The following PALLD variants were observed in gnomAD, a reference collection of about 807,000 sequenced individuals.
PALLD encodes palladin.
Under a neutral mutation model 123.5 loss-of-function variants are expected in PALLD, and 61 were observed. That is an observed-to-expected ratio of 0.49 (90% CI 0.40 to 0.61). The LOEUF (loss-of-function observed/expected upper bound fraction) is 0.61. Ranked by LOEUF, PALLD falls within the 20% of genes least tolerant of loss-of-function variation. The pLI is 0.00. For synonymous variants in PALLD, 465 were observed against 496.4 expected (o/e 0.94, Z 0.84); for missense variants, 1,273 against 1,377.0 (o/e 0.92, Z 1.20).
intron 2 of PALLD, among the ~76,000 whole-genome samples, chr4:168,649,296 C>T (rs1204118670): frequency 6.6e-6 from 1 of 152,100 alleles, no homozygotes; most frequent in Admixed American, 6.6e-5. Flanking sequence ...AGACTATATA[C>T]TTAAGTTTAT....
intron 10 of PALLD, among the ~76,000 whole-genome samples, chr4:168,841,213 G>A (rs144773384): frequency 2.0e-4 from 30 of 152,270 alleles, no homozygotes; most frequent in African/African-American, 6.7e-4. Flanking sequence ...TGAGCTGTTG[G>A]ACCTGGATCT....
intron 16 of PALLD, among the ~76,000 whole-genome samples, chr4:168,915,684 C>A (rs1435594471): frequency 6.6e-6 from 1 of 152,040 alleles, no homozygotes; most frequent in Non-Finnish European, 1.5e-5. Flanking sequence ...TTTATAGTAG[C>A]CTGCAATTGG....
chr4:168,810,769 C>T (rs1297378308), intron 10 of PALLD, among the ~76,000 whole-genome samples: 2 of 149,968 alleles, frequency 1.3e-5, no homozygotes, highest in Non-Finnish European at 3.0e-5. Context: ...GATTGCGCCA[C>T]TGCAGTCCGC....
chr4:168,499,272 AT>A (rs1561174673), intron 1 of PALLD, among the ~76,000 whole-genome samples: 5 of 48,960 alleles, frequency 1.0e-4, no homozygotes, highest in Admixed American at 2.2e-4. Context: ...GGGAGGGAGG[AT>A]GGGAGGGAGG....
At chr4:168,679,375 GGTGT>G (rs142511113) in intron 3 of PALLD, among the ~76,000 whole-genome samples, 4 of 118,414 alleles carry the variant, frequency 3.4e-5, no homozygotes, top group South Asian at 2.8e-4. Context: ...GATGTGTGTG[GGTGT>G]GTGTGTGTGT....
In PALLD at chr4:168,926,528, C is replaced by T. The variant is rs984801380; in HGVS notation, c.*348C>T. The T allele has an allele frequency of 3.6e-5, 22 of 608,818 alleles. No homozygotes were observed. The highest frequency in any genetic ancestry group is 5.6e-5 in the Non-Finnish European group (20 of 360,320). 37.7% of individuals were successfully genotyped at this position (608,818 alleles called of 1,614,324 possible). On this transcript the variant is annotated 3_prime_UTR_variant, in exon 22 of 22. Coordinates refer to ENST00000505667, the MANE Select transcript of PALLD (RefSeq NM_001166108.2). ...AAACACCAAAATAATATTTTTCTTACTTGATATACCAAACTTAGTTTAAGT... is the reference window on the plus strand; with the variant it reads ...AAACACCAAAATAATATTTTTCTTATTTGATATACCAAACTTAGTTTAAGT...
chr4:168,731,334 TGAA>T, intron 10 of PALLD, among the ~76,000 whole-genome samples: 1 of 152,334 alleles, frequency 6.6e-6, no homozygotes, highest in Middle Eastern at 3.4e-3. Flanking sequence ...AGCTTGTTTT[TGAA>T]GATGATTCTT....
chr4:168,898,760 A>G (rs1251389052), intron 14 of PALLD, 46 bp downstream of exon 14: 2 of 1,284,292 alleles, frequency 1.6e-6, no homozygotes, highest in East Asian at 2.3e-5. Context: ...CTCTGAGGAA[A>G]GGTTTAGCTT....
At chr4:168,859,267 A>G (rs1448692034) in intron 10 of PALLD, among the ~76,000 whole-genome samples, 5 of 152,178 alleles carry the variant, frequency 3.3e-5, no homozygotes, top group Admixed American at 1.3e-4. Flanking sequence ...ATAGTTATCC[A>G]TGCTCACAGC....
At chr4:168,603,083 T>C (rs1412085324) in intron 2 of PALLD, among the ~76,000 whole-genome samples, 1 of 152,186 alleles carries the variant, frequency 6.6e-6, no homozygotes, top group Non-Finnish European at 1.5e-5. Context: ...GTATTAAAAC[T>C]ATGCAGTGAT....
intron 10 of PALLD, chr4:168,831,913 A>T: frequency 4.2e-6 from 3 of 713,112 alleles, no homozygotes; most frequent in South Asian, 1.2e-4. Flanking sequence ...CAAGGTTACG[A>T]GTGGGTGCGG....
intron 2 of PALLD, among the ~76,000 whole-genome samples, chr4:168,545,066 A>G (rs1023422629): frequency 6.6e-6 from 1 of 152,196 alleles, no homozygotes. Flanking sequence ...GTGAGAGGAA[A>G]TCAAAGTGGT....
intron 10 of PALLD, among the ~76,000 whole-genome samples, chr4:168,855,830 G>A (rs556478633): frequency 6.6e-6 from 1 of 152,342 alleles, no homozygotes; most frequent in South Asian, 2.1e-4. Context: ...TCACAGTCTA[G>A]GAGGGAAGTG....
At chr4:168,734,983 G>A (rs1002843102) in intron 10 of PALLD, among the ~76,000 whole-genome samples, 1 of 152,152 alleles carries the variant, frequency 6.6e-6, no homozygotes, top group Admixed American at 6.5e-5. Context: ...AGTAGTAGTA[G>A]TGTAGTAAGG....
At chr4:168,808,992 C>T (rs1055843108) in intron 10 of PALLD, among the ~76,000 whole-genome samples, 2 of 152,122 alleles carry the variant, frequency 1.3e-5, no homozygotes, top group Non-Finnish European at 1.5e-5. Context: ...ATCTTTTGAA[C>T]CAGGAGATGA....
chr4:168,713,112 T>A (rs1431179959), intron 10 of PALLD, among the ~76,000 whole-genome samples: 1 of 152,182 alleles, frequency 6.6e-6, no homozygotes, highest in Non-Finnish European at 1.5e-5. Context: ...CAAAAATCGA[T>A]ATATTGCTAC....
intron 2 of PALLD, among the ~76,000 whole-genome samples, chr4:168,560,601 C>G (rs1767767575): frequency 1.3e-5 from 2 of 152,248 alleles, no homozygotes; most frequent in East Asian, 3.9e-4. Context: ...TGATTCATAG[C>G]ACTTTCCCAA....
chr4:168,834,311 G>GC (rs1204346837), intron 10 of PALLD, among the ~76,000 whole-genome samples: 2 of 152,100 alleles, frequency 1.3e-5, no homozygotes, highest in Non-Finnish European at 2.9e-5. Context: ...ATAACGACAG[G>GC]CCCAGTCTGT....
intron 2 of PALLD, among the ~76,000 whole-genome samples, chr4:168,546,424 C>A (rs1001384431): frequency 1.3e-5 from 2 of 151,762 alleles, no homozygotes; most frequent in Non-Finnish European, 2.9e-5. Context: ...AATCTCTTAG[C>A]ACAGAAAATC....
Sources: gnomAD v4.1 joint callset for allele counts (sites outside exome capture counted in the v4.1 genomes callset) on GRCh38, gnomAD v4.1.1 for gene constraint, MANE v1.5 for transcripts, NCBI Gene and HGNC (gene_info 2026-07-23, HGNC 2026-07-21) for gene names.